NBEAL1: variants seen among roughly 807,000 people sequenced by gnomAD.
NBEAL1 encodes neurobeachin-like protein 1.
A neutral mutation model predicts 351.3 loss-of-function variants in NBEAL1; 273 were observed. That is an observed-to-expected ratio of 0.78 (90% CI 0.70 to 0.86). The LOEUF is 0.86. Among genes scored for constraint, NBEAL1 ranks in the 40% least tolerant of loss-of-function variants. The pLI, the probability that NBEAL1 is intolerant of heterozygous loss-of-function variation, is 0.00. For missense variants in NBEAL1, 2,961 were observed against 3,201.3 expected, an observed-to-expected ratio of 0.92 and a Z score of 1.81; for synonymous variants, 1,050 against 1,086.4, an observed-to-expected ratio of 0.97 and a Z score of 0.66.
chr2:203,109,636 C>T (rs566110812), intron 14 of NBEAL1, among the ~76,000 whole-genome samples: 76 of 152,246 alleles, frequency 5.0e-4, no homozygotes, highest in Admixed American at 8.5e-4. Flanking sequence ...TCTCCTGCCT[C>T]AGCCACCTAA....
At chr2:203,197,971 T>A (rs1032150894) in intron 48 of NBEAL1, among the ~76,000 whole-genome samples, 2 of 151,192 alleles carry the variant, frequency 1.3e-5, no homozygotes, top group Non-Finnish European at 2.9e-5. Flanking sequence ...TTTTGAGCAG[T>A]GGCAATCTTG....
chr2:203,148,356 C>T (rs2063561570), intron 33 of NBEAL1, among the ~76,000 whole-genome samples: 1 of 151,920 alleles, frequency 6.6e-6, no homozygotes, highest in Admixed American at 6.6e-5. Flanking sequence ...GGTCTAACTC[C>T]AAGGCATGTA....
intron 2 of NBEAL1, among the ~76,000 whole-genome samples, chr2:203,035,193 A>G (rs181863773): frequency 6.7e-6 from 1 of 149,384 alleles, no homozygotes; most frequent in African/African-American, 2.4e-5. Context: ...GTGCTTTAAC[A>G]TAATTTAAGT....
chr2:203,121,351 T>G (rs1476341009), intron 18 of NBEAL1, among the ~76,000 whole-genome samples: 2 of 152,020 alleles, frequency 1.3e-5, no homozygotes, highest in Admixed American at 1.3e-4. Context: ...AGAGAAAAAT[T>G]TAAAAACTAT....
rs114151600 is a variant in NBEAL1 at position 203,193,187 on chromosome 2, G to T, written c.6922-608G>T. On this transcript the variant is annotated intron_variant, in intron 46 of 55. Coordinates refer to ENST00000683969, the MANE Select transcript of NBEAL1 (RefSeq NM_001378026.1). ...GGGTTTCACCATGTTAGCCAGTATG[G>T]TCTTGAACTTCTGACCTCAAGTGAT... Among the ~76,000 whole-genome samples, 1,083 of 151,864 alleles carry T rather than the reference G, an allele frequency of 7.1e-3. 5 individuals are homozygous for T. Among genetic ancestry groups the T allele is most frequent in the Middle Eastern group, 0.051 (15 of 292 alleles).
chr2:203,190,963 C>T, intron 46 of NBEAL1: 1 of 1,609,248 alleles, frequency 6.2e-7, no homozygotes, highest in East Asian at 2.2e-5. Context: ...TACAGTGAAA[C>T]TGACCATTCA....
At chr2:203,198,910 A>G (rs1287575984) in intron 48 of NBEAL1, among the ~76,000 whole-genome samples, 1 of 151,920 alleles carries the variant, frequency 6.6e-6, no homozygotes, top group Admixed American at 6.6e-5. Flanking sequence ...AAACAAGGCC[A>G]GGTGTGGTGA....
intron 33 of NBEAL1, among the ~76,000 whole-genome samples, chr2:203,146,068 C>G (rs2063506033): frequency 6.6e-6 from 1 of 151,104 alleles, no homozygotes; most frequent in Non-Finnish European, 1.5e-5. Context: ...AGTATCACCA[C>G]TGACTCCCCG....
intron 45 of NBEAL1, among the ~76,000 whole-genome samples, chr2:203,188,791 T>A (rs964252038): frequency 2.0e-5 from 3 of 152,234 alleles, no homozygotes; most frequent in Admixed American, 6.5e-5. Context: ...AAATGTCACT[T>A]ATTAACATCA....
At chr2:203,137,407 C>T (rs2063242416) in intron 29 of NBEAL1, among the ~76,000 whole-genome samples, 1 of 152,128 alleles carries the variant, frequency 6.6e-6, no homozygotes, top group Non-Finnish European at 1.5e-5. Context: ...TTGGACACCC[C>T]TGCTGTAGAT....
chr2:203,217,717 C>A lies in NBEAL1; in HGVS notation c.*363C>A. ...TGAGAGAGATGGCTTTAAATACATT[C>A]TTAAGTAATCATTTTCCTATTTACT... On this transcript the variant is annotated 3_prime_UTR_variant, in exon 56 of 56. Coordinates refer to ENST00000683969, the MANE Select transcript of NBEAL1 (RefSeq NM_001378026.1). 1.0e-6 allele frequency: 1 copy of A among 968,732 alleles called. No homozygotes were observed. The highest frequency in any genetic ancestry group is 1.2e-6 in the Non-Finnish European group (1 of 814,312). 60.0% of individuals were successfully genotyped at this position (968,732 alleles called of 1,614,324 possible).
In NBEAL1 at chr2:203,033,371, A is replaced by G. The variant is rs187617044; in HGVS notation, c.52-8394A>G. ...TTTTCAGTTGTTGTGGGAAATATAC[A>G]TATATCAGAAAGTTGGCATGTACTA... On this transcript the variant is annotated intron_variant, in intron 2 of 55. Transcript: ENST00000683969. 1.9e-3 allele frequency among the ~76,000 whole-genome samples: 292 copies of G among 152,328 alleles called. 2 individuals carry two copies. The highest frequency in any genetic ancestry group is 6.3e-3 in the African/African-American group (263 of 41,586).
chr2:203,190,107 G>T (rs1172589585), intron 45 of NBEAL1, among the ~76,000 whole-genome samples, 185 bp from the exon 46 acceptor site: 1 of 148,962 alleles, frequency 6.7e-6, no homozygotes, highest in African/African-American at 2.5e-5. Context: ...CTGCACTCCA[G>T]CCTGGGCAAC....
chr2:203,138,929 A>G (rs1221731040), intron 31 of NBEAL1, among the ~76,000 whole-genome samples, 181 bp downstream of exon 31: 2 of 152,152 alleles, frequency 1.3e-5, no homozygotes, highest in East Asian at 3.8e-4. Flanking sequence ...TTTCTTCCTG[A>G]TATTAATAAC....
At position 203,144,659 on chromosome 2, in the gene NBEAL1, T is replaced by C; in HGVS notation, c.4908T>C (p.Asn1636=). ...TTCTTCAGACCAAAGTGATTGAAAA[T>C]CAGGATGAAGCATGTTACATTTTAG... is the stretch of plus-strand genomic sequence containing the variant. The part of the protein sequence containing the change: ...NTLLQTKVIE[N]QDEACYILGK... Residue 1636 remains asparagine, a synonymous_variant, in exon 32 of 56, where the codon AAT becomes AAC. Transcript: ENST00000683969. 6.2e-7 allele frequency: 1 copy of C among 1,614,116 alleles called. No individual in the cohort carries two copies. Among genetic ancestry groups the C allele is most frequent in the Non-Finnish European group, 8.5e-7 (1 of 1,179,992 alleles).
chr2:203,090,942 G>A (rs952021692), intron 10 of NBEAL1, among the ~76,000 whole-genome samples: 8 of 151,624 alleles, frequency 5.3e-5, no homozygotes, highest in Admixed American at 5.3e-4. Flanking sequence ...AAAGGGAAAG[G>A]GAAGGGAAGG....
In NBEAL1 at chr2:203,190,929, G is replaced by C. The variant is rs546265731; in HGVS notation, c.6921+540G>C. Reference sequence around the variant, plus strand: ...TTGGTGATGACATTGCCAAGGCAACGGGTGACTGGAAGGGCCTGAGGATTA... The same window carrying C: ...TTGGTGATGACATTGCCAAGGCAACCGGTGACTGGAAGGGCCTGAGGATTA... On this transcript the variant is annotated intron_variant, in intron 46 of 55. Coordinates refer to ENST00000683969, the MANE Select transcript of NBEAL1 (RefSeq NM_001378026.1). 12 of 1,610,734 alleles carry C rather than the reference G, an allele frequency of 7.5e-6. No homozygotes were observed. The East Asian group carries it at 2.7e-4, about 36-fold the overall frequency.
intron 6 of NBEAL1, among the ~76,000 whole-genome samples, chr2:203,063,955 G>GCA (rs2061540039): frequency 6.6e-6 from 1 of 152,114 alleles, no homozygotes; most frequent in Non-Finnish European, 1.5e-5. Flanking sequence ...AACACATTTT[G>GCA]CACACATCAT....
At chr2:203,184,362 C>T (rs934055249) in intron 44 of NBEAL1, among the ~76,000 whole-genome samples, 6 of 152,182 alleles carry the variant, frequency 3.9e-5, no homozygotes, top group Non-Finnish European at 5.9e-5. Flanking sequence ...ACCCAGGAGG[C>T]GGAGGTGACA....
Sources: gnomAD v4.1 joint callset for allele counts (sites outside exome capture counted in the v4.1 genomes callset) on GRCh38, gnomAD v4.1.1 for gene constraint, MANE v1.5 for transcripts, NCBI Gene and HGNC (gene_info 2026-07-23, HGNC 2026-07-21) for gene names.